OPCML: variants seen among roughly 807,000 people sequenced by gnomAD.
OPCML encodes opioid-binding protein/cell adhesion molecule.
A neutral mutation model predicts 37.8 loss-of-function variants in OPCML; 13 were observed. The ratio of observed to expected loss-of-function variants is 0.34; its 90% confidence interval spans 0.22 to 0.55. The LOEUF (loss-of-function observed/expected upper bound fraction) is 0.55. OPCML is among the 20% of genes least tolerant of loss of function. The pLI, the probability that OPCML is intolerant of heterozygous loss-of-function variation, is 0.91. For missense variants in OPCML, 341 were observed against 435.6 expected (o/e 0.78, Z 1.93); for synonymous variants, 176 against 168.8 (o/e 1.04, Z -0.33).
At chr11:133,059,126 T>C (rs1362552680) in intron 1 of OPCML, among the ~76,000 whole-genome samples, 2 of 152,242 alleles carry the variant, frequency 1.3e-5, no homozygotes, top group African/African-American at 4.8e-5. Context: ...TTTTGTGTGT[T>C]ATCATTCAGA....
At chr11:132,733,398 C>T (rs142970972) in intron 2 of OPCML, among the ~76,000 whole-genome samples, 14 of 152,086 alleles carry the variant, frequency 9.2e-5, no homozygotes, top group Non-Finnish European at 1.9e-4. Context: ...CTAAGAGGCA[C>T]ATAATATTTA....
chr11:133,234,263 C>CAA (rs1221541573), intron 1 of OPCML, among the ~76,000 whole-genome samples: 4 of 148,282 alleles, frequency 2.7e-5, no homozygotes, highest in African/African-American at 1.0e-4. Flanking sequence ...ACAACAACAA[C>CAA]AAAAAAAAAA....
intron 1 of OPCML, among the ~76,000 whole-genome samples, chr11:133,309,135 G>A (rs529830787): frequency 3.4e-4 from 52 of 152,264 alleles, no homozygotes; most frequent in Non-Finnish European, 6.9e-4. Context: ...ATGGGCAGAA[G>A]TTTAAGCAGA....
At chr11:132,833,316 C>T (rs1446231772) in intron 2 of OPCML, among the ~76,000 whole-genome samples, 1 of 152,234 alleles carries the variant, frequency 6.6e-6, no homozygotes, top group East Asian at 1.9e-4. Flanking sequence ...CAAACACGCA[C>T]ATTAGCCGAG....
chr11:133,140,221 A>ATAATAC (rs1295109781), intron 1 of OPCML, among the ~76,000 whole-genome samples: 9 of 137,648 alleles, frequency 6.5e-5, no homozygotes, highest in African/African-American at 1.6e-4. Flanking sequence ...AATAATAATA[A>ATAATAC]TACTGATAGG....
In OPCML at chr11:132,454,249, G is replaced by T. The variant is rs139845689; in HGVS notation, c.506-16890C>A. Reference sequence around the variant, plus strand: ...GATGAGAGGGTCACCTTTAGCTTTCGTTGCTAGTTTTACAGACCCAGCTTC... The same window carrying T: ...GATGAGAGGGTCACCTTTAGCTTTCTTTGCTAGTTTTACAGACCCAGCTTC... On this transcript the variant is annotated intron_variant, in intron 4 of 7. Transcript: ENST00000524381. 2.0e-3 allele frequency among the ~76,000 whole-genome samples: 301 copies of T among 152,276 alleles called. 1 individual carries two copies. The highest frequency in any genetic ancestry group is 3.2e-3 in the Non-Finnish European group (218 of 68,026).
Position 132,944,716 on chromosome 11 carries a change from C to G in OPCML, c.62-1706G>C, listed in dbSNP as rs199568607. Among the ~76,000 whole-genome samples the G allele has an allele frequency of 2.0e-5, 3 of 152,186 alleles. No homozygotes were observed. In the East Asian group the frequency reaches 5.8e-4, roughly 29 times the overall value. On this transcript the variant is annotated intron_variant, in intron 1 of 7. Coordinates refer to ENST00000524381, the MANE Select transcript of OPCML (RefSeq NM_001012393.5). ...GGTGCTTTTGGAAGCCAGCCTCCCC[C>G]TTTCTTTGGTCTCGGATTTGTCTCT...
At chr11:132,615,905 G>C (rs992467051) in intron 3 of OPCML, among the ~76,000 whole-genome samples, 2 of 152,200 alleles carry the variant, frequency 1.3e-5, no homozygotes, top group African/African-American at 4.8e-5. Context: ...AAAAAAGGCA[G>C]ATTGGCCAGG....
chr11:132,696,760 A>G (rs1943615673), intron 2 of OPCML, among the ~76,000 whole-genome samples: 1 of 152,140 alleles, frequency 6.6e-6, no homozygotes, highest in Non-Finnish European at 1.5e-5. Flanking sequence ...ACAGACACAC[A>G]TGAAGATGTA....
rs535052448 is a variant in OPCML at position 133,182,038 on chromosome 11, C to T, written c.62-239028G>A. 3.4e-5 allele frequency among the ~76,000 whole-genome samples: 5 copies of T among 148,108 alleles called. No individual in the cohort carries two copies. In the East Asian group the frequency reaches 5.9e-4, roughly 18 times the overall value. On this transcript the variant is annotated intron_variant, in intron 1 of 7. Coordinates refer to ENST00000524381, the MANE Select transcript of OPCML (RefSeq NM_001012393.5). ...AATACATGCTCCTTGGGAAGTGTCA[C>T]TGTTGTTCTTCTGGAAGAATTCTCC...
chr11:133,439,741 G>A lies in OPCML; in HGVS notation c.61+92523C>T, dbSNP rs11223473. ...CTTGGCCTCCCAAAGTGCTGGGATT[G>A]CAGGTGTGAGCCACCGAGCCCGGCC... On this transcript the variant is annotated intron_variant, in intron 1 of 7. Coordinates refer to ENST00000524381, the MANE Select transcript of OPCML (RefSeq NM_001012393.5). Among the ~76,000 whole-genome samples the A allele has an allele frequency of 5.7e-3, 862 of 152,032 alleles. 6 individuals are homozygous for A. The highest frequency in any genetic ancestry group is 7.3e-3 in the Non-Finnish European group (493 of 67,962).
intron 2 of OPCML, among the ~76,000 whole-genome samples, chr11:132,709,632 T>C (rs1944178178): frequency 6.6e-6 from 1 of 152,088 alleles, no homozygotes; most frequent in South Asian, 2.1e-4. Context: ...GATCACTTGG[T>C]TAAGGTGTTG....
intron 1 of OPCML, among the ~76,000 whole-genome samples, chr11:133,393,567 A>T (rs768789426): frequency 1.1e-4 from 16 of 152,110 alleles, no homozygotes; most frequent in Non-Finnish European, 1.8e-4. Flanking sequence ...CTACCTCATC[A>T]ATTTGTAACT....
chr11:132,993,383 C>T (rs1271760192), intron 1 of OPCML, among the ~76,000 whole-genome samples: 2 of 152,160 alleles, frequency 1.3e-5, no homozygotes, highest in African/African-American at 4.8e-5. Context: ...CACCCTGCAT[C>T]CTGTGTCCTT....
At chr11:133,135,944 G>A (rs777541634) in intron 1 of OPCML, among the ~76,000 whole-genome samples, 7 of 152,198 alleles carry the variant, frequency 4.6e-5, no homozygotes, top group Non-Finnish European at 8.8e-5. Context: ...TGTAACAGCG[G>A]CAGAACTCCA....
At chr11:132,998,633 C>A (rs150262192) in intron 1 of OPCML, among the ~76,000 whole-genome samples, 5 of 152,142 alleles carry the variant, frequency 3.3e-5, no homozygotes, top group African/African-American at 1.2e-4. Flanking sequence ...ATGTTTGTGA[C>A]CCTCCAAATT....
chr11:132,563,942 G>A (rs1318135876), intron 3 of OPCML, among the ~76,000 whole-genome samples: 1 of 152,128 alleles, frequency 6.6e-6, no homozygotes, highest in Non-Finnish European at 1.5e-5. Flanking sequence ...ATTCCAGATA[G>A]CCATGCCCTG....
intron 3 of OPCML, among the ~76,000 whole-genome samples, chr11:132,541,691 A>T (rs984687783): frequency 2.6e-5 from 4 of 152,198 alleles, no homozygotes; most frequent in Non-Finnish European, 5.9e-5. Context: ...GAGGGGTTAA[A>T]TAACTTGCTA....
intron 1 of OPCML, among the ~76,000 whole-genome samples, chr11:133,063,031 T>A (rs1012505080): frequency 3.3e-5 from 5 of 152,338 alleles, no homozygotes; most frequent in African/African-American, 1.2e-4. Context: ...AGCATGGGGC[T>A]TTGGGGTCAT....
Sources: allele counts gnomAD v4.1 joint callset (sites outside exome capture counted in the v4.1 genomes callset), GRCh38; gene constraint gnomAD v4.1.1; transcripts MANE v1.5; gene names NCBI Gene and HGNC (gene_info 2026-07-23, HGNC 2026-07-21).